DNAH11: variants seen among roughly 807,000 people sequenced by gnomAD.
DNAH11 encodes the protein dynein axonemal heavy chain 11.
Under a neutral mutation model 526.0 loss-of-function variants are expected in DNAH11, and 442 were observed. The ratio of observed to expected loss-of-function variants is 0.84; its 90% CI spans 0.78 to 0.91. The LOEUF is 0.91. Among genes scored for constraint, DNAH11 ranks in the 40% least tolerant of loss-of-function variants. The pLI is 0.00. For synonymous variants in DNAH11, 2,461 were observed against 1,935.9 expected, an observed-to-expected ratio of 1.27 and a Z score of -7.12; for missense variants, 6,989 against 5,448.7, an observed-to-expected ratio of 1.28 and a Z score of -8.90.
intron 66 of DNAH11, among the ~76,000 whole-genome samples, chr7:21,846,297 C>T (rs1782415143): frequency 6.6e-6 from 1 of 152,098 alleles, no homozygotes; most frequent in African/African-American, 2.4e-5. Context: ...TGCCTCGTTC[C>T]TGATCTTAGG....
chr7:21,558,605 C>T (rs1238795044), intron 2 of DNAH11, among the ~76,000 whole-genome samples, 197 bp from the exon 3 acceptor site: 1 of 152,194 alleles, frequency 6.6e-6, no homozygotes, highest in Non-Finnish European at 1.5e-5. Flanking sequence ...AAGCAGTATG[C>T]TAATTCCACT....
chr7:21,888,511 A>G (rs1784212057), intron 76 of DNAH11, among the ~76,000 whole-genome samples: 1 of 151,744 alleles, frequency 6.6e-6, no homozygotes, highest in African/African-American at 2.4e-5. Flanking sequence ...TCTTTTTGAG[A>G]CAGAGCCTTG....
intron 54 of DNAH11, among the ~76,000 whole-genome samples, chr7:21,760,791 G>A (rs935669225): frequency 3.9e-5 from 6 of 152,116 alleles, no homozygotes; most frequent in Admixed American, 1.3e-4. Flanking sequence ...ATGAAATGCT[G>A]GTTAGCCACC....
intron 4 of DNAH11, 125 bp from the exon 5 acceptor site, chr7:21,560,946 C>A: frequency 3.1e-6 from 2 of 645,332 alleles, no homozygotes; most frequent in Non-Finnish European, 5.2e-6. Context: ...CCAGATATAA[C>A]TTTGAGTGTT....
At position 21,787,477 on chromosome 7, in the gene DNAH11, A is replaced by C. The variant is rs753829743; in HGVS notation, c.9818A>C (p.Glu3273Ala). ...GAGAACTGTCTAAAAGTGGTGAATG[A>C]ACACTATTTGAAAGACCCAGAGTTT... Reference protein sequence around the residue: ...IPENCLKVVNEHYLKDPEFNP... With the variant: ...IPENCLKVVNAHYLKDPEFNP... The change falls in exon 60 of 82, where the codon GAA (glutamate) becomes GCA (alanine). Residue 3273 changes from glutamate (E) to alanine (A), a missense_variant. By Grantham distance (107) the Glu-to-Ala change is moderately radical. Transcript: ENST00000409508. The C allele has an allele frequency of 3.2e-5, 51 of 1,613,728 alleles. No individual in the cohort carries two copies. The East Asian group carries it at 7.6e-4, about 24-fold the overall frequency.
Position 21,805,407 on chromosome 7 carries a change from A to G in DNAH11, c.10166-2476A>G, listed in dbSNP as rs956007040. 2.0e-5 allele frequency among the ~76,000 whole-genome samples: 3 copies of G among 152,070 alleles called. No homozygotes were observed. In the South Asian group the frequency reaches 6.2e-4, roughly 32 times the overall value. On this transcript the variant is annotated intron_variant, in intron 62 of 81. Transcript: ENST00000409508. ...ATAGTCCTGGCATGTCATAGGCATC[A>G]CTAGATATTTGCTGAATGAATGAGT...
chr7:21,756,942 T>G (rs1220954581), intron 54 of DNAH11, among the ~76,000 whole-genome samples: 1 of 152,200 alleles, frequency 6.6e-6, no homozygotes, highest in Non-Finnish European at 1.5e-5. Context: ...CTTCAATTCA[T>G]TTTACACATT....
At chr7:21,565,576 C>T (rs1298724379) in intron 6 of DNAH11, among the ~76,000 whole-genome samples, 1 of 152,176 alleles carries the variant, frequency 6.6e-6, no homozygotes, top group Non-Finnish European at 1.5e-5. Flanking sequence ...TCTCTCTTCC[C>T]TCTCTGATTC....
At chr7:21,651,056 A>T (rs1258442390) in intron 28 of DNAH11, among the ~76,000 whole-genome samples, 4 of 152,068 alleles carry the variant, frequency 2.6e-5, no homozygotes, top group African/African-American at 9.7e-5. Context: ...CATTCTAGAG[A>T]ATATCATCCA....
At chr7:21,704,746 A>G in intron 38 of DNAH11, 118 bp downstream of exon 38, 2 of 1,141,972 alleles carry the variant, frequency 1.8e-6, no homozygotes, top group South Asian at 1.9e-5. Context: ...GGATCTTAAT[A>G]TATGCTTTCA....
intron 10 of DNAH11, 144 bp downstream of exon 10, chr7:21,588,345 G>A: frequency 3.0e-6 from 4 of 1,322,410 alleles, no homozygotes; most frequent in South Asian, 2.9e-5. Flanking sequence ...TCCTCATGGA[G>A]ATGGTAAACT....
intron 56 of DNAH11, among the ~76,000 whole-genome samples, chr7:21,774,486 C>T (rs1218422271): frequency 6.6e-6 from 1 of 152,094 alleles, no homozygotes; most frequent in African/African-American, 2.4e-5. Flanking sequence ...GTCCTGAGGC[C>T]CCTGCTCCCT....
chr7:21,861,707 T>C (rs1282241610), intron 68 of DNAH11, 146 bp from the exon 69 acceptor site: 4 of 652,768 alleles, frequency 6.1e-6, no homozygotes, highest in Non-Finnish European at 1.0e-5. Flanking sequence ...GCATGTACCA[T>C]GTGCCAGAAA....
intron 25 of DNAH11, among the ~76,000 whole-genome samples, chr7:21,630,260 T>C (rs188458226): frequency 6.6e-6 from 1 of 152,288 alleles, no homozygotes; most frequent in African/African-American, 2.4e-5. Context: ...TGTATATTTT[T>C]ATATTGTCTA....
intron 55 of DNAH11, among the ~76,000 whole-genome samples, chr7:21,767,983 G>A (rs527883917): frequency 6.6e-6 from 1 of 152,108 alleles, no homozygotes; most frequent in African/African-American, 2.4e-5. Context: ...GTGTGTGTTG[G>A]CGTGTAATTT....
At position 21,558,916 on chromosome 7, in the gene DNAH11, G is replaced by A. The variant is rs774650374; in HGVS notation, c.610G>A (p.Gly204Ser). ...VMKKKMYIFRGKMSRRTLLPI... is the reference protein window; with the variant it reads ...VMKKKMYIFRSKMSRRTLLPI... ...GAAAAAGAAGATGTATATTTTTAGG[G>A]GCAAAATGTCTAGAAGAACTCTTCT... is the stretch of plus-strand genomic sequence containing the variant. Residue 204 changes from glycine to serine, a missense_variant, in exon 3 of 82, where the codon GGC becomes AGC. Physicochemically the swap from Gly to Ser is moderately conservative, Grantham distance 56. Transcript: ENST00000409508. 4 of 1,600,748 alleles carry A rather than the reference G, an allele frequency of 2.5e-6. No individual in the cohort carries two copies. Among genetic ancestry groups the A allele is most frequent in the Non-Finnish European group, 3.4e-6 (4 of 1,173,160 alleles).
At chr7:21,848,619 C>T (rs989570926) in intron 66 of DNAH11, among the ~76,000 whole-genome samples, 5 of 151,910 alleles carry the variant, frequency 3.3e-5, no homozygotes, top group East Asian at 3.9e-4. Flanking sequence ...TGCTCACTCT[C>T]ACTCGCTCTC....
intron 34 of DNAH11, 37 bp downstream of exon 34, chr7:21,687,564 A>G: frequency 6.3e-7 from 1 of 1,599,384 alleles, no homozygotes; most frequent in Non-Finnish European, 8.5e-7. Flanking sequence ...TTACAAATAG[A>G]AAAACATGGA....
intron 28 of DNAH11, among the ~76,000 whole-genome samples, chr7:21,651,833 C>A (rs1781790833): frequency 6.6e-6 from 1 of 152,180 alleles, no homozygotes; most frequent in African/African-American, 2.4e-5. Flanking sequence ...CTCTCCAGCC[C>A]ACAAAAATCA....
Sources: gnomAD v4.1 joint callset for allele counts (sites outside exome capture counted in the v4.1 genomes callset) on GRCh38, gnomAD v4.1.1 for gene constraint, MANE v1.5 for transcripts, NCBI Gene and HGNC (gene_info 2026-07-23, HGNC 2026-07-21) for gene names.